Variants in SPIRE1 observed in about 807,000 individuals in gnomAD.
SPIRE1 encodes the protein protein spire homolog 1.
In SPIRE1, 40 loss-of-function variants were observed where a neutral mutation model predicts 94.1. The observed-to-expected ratio is 0.43, with a 90% confidence interval of 0.33 to 0.55. SPIRE1 has a LOEUF of 0.55. Among genes scored for constraint, SPIRE1 ranks in the 20% least tolerant of loss-of-function variants. The pLI is 0.06. For synonymous variants in SPIRE1, 376 were observed against 371.7 expected, an observed-to-expected ratio of 1.01 and a Z score of -0.13; for missense variants, 838 against 975.2, an observed-to-expected ratio of 0.86 and a Z score of 1.87.
chr18:12,638,205 G>A (rs948264117), intron 1 of SPIRE1, among the ~76,000 whole-genome samples: 1 of 152,196 alleles, frequency 6.6e-6, no homozygotes, highest in African/African-American at 2.4e-5. Context: ...AGCACTTTGG[G>A]AGGCTGAGGT....
At chr18:12,548,944 G>T (rs959501919) in intron 2 of SPIRE1, among the ~76,000 whole-genome samples, 4 of 152,138 alleles carry the variant, frequency 2.6e-5, no homozygotes, top group African/African-American at 4.8e-5. Context: ...TTAAACAATG[G>T]ATCTTCTAAG....
Position 12,657,878 on chromosome 18 carries a change from G to A in SPIRE1, c.-12C>T. 4 of 1,053,954 alleles carry A rather than the reference G, an allele frequency of 3.8e-6. No homozygotes were observed. The highest frequency in any genetic ancestry group is 4.6e-6 in the Non-Finnish European group (4 of 877,668). 65.3% of individuals were successfully genotyped at this position (1,053,954 alleles called of 1,614,324 possible). A position where few individuals can be genotyped will look rare whatever the true frequency, so the allele number is the denominator to read the frequency against. On this transcript the variant is annotated 5_prime_UTR_variant, in exon 1 of 17. Transcript: ENST00000409402. ...GCCGCCTGAGCCATCCCGCGGGTGG[G>A]CGCTGCGCTCGGCAGTCGCGCCGTG... is the stretch of plus-strand genomic sequence containing the variant.
intron 12 of SPIRE1, among the ~76,000 whole-genome samples, chr18:12,457,517 G>A (rs906370035): frequency 1.3e-5 from 2 of 152,162 alleles, no homozygotes; most frequent in Non-Finnish European, 2.9e-5. Flanking sequence ...GCCCGTTTGA[G>A]TGGCCAGATG....
At chr18:12,464,133 T>C (rs1339891690) in intron 11 of SPIRE1, among the ~76,000 whole-genome samples, 1 of 152,196 alleles carries the variant, frequency 6.6e-6, no homozygotes, top group African/African-American at 2.4e-5. Context: ...AAGTTACATA[T>C]GATCCATCTA....
intron 4 of SPIRE1, among the ~76,000 whole-genome samples, chr18:12,514,722 A>G (rs1016122227): frequency 6.6e-6 from 1 of 152,206 alleles, no homozygotes; most frequent in Non-Finnish European, 1.5e-5. Flanking sequence ...GCGGTATCTT[A>G]TCTGCCACAC....
chr18:12,461,426 G>GTGTGTA (rs2031797785), intron 12 of SPIRE1, among the ~76,000 whole-genome samples: 1 of 71,206 alleles, frequency 1.4e-5, no homozygotes, highest in African/African-American at 5.1e-5. Context: ...GTGTGTGTGT[G>GTGTGTA]TGTATGTATG....
chr18:12,468,997 G>A (rs1349544477), intron 10 of SPIRE1, among the ~76,000 whole-genome samples: 3 of 152,106 alleles, frequency 2.0e-5, no homozygotes, highest in Non-Finnish European at 4.4e-5. Context: ...CCAAGAGGTC[G>A]AGGCTGCAAT....
At chr18:12,519,050 C>T (rs780413886) in intron 4 of SPIRE1, among the ~76,000 whole-genome samples, 5 of 152,114 alleles carry the variant, frequency 3.3e-5, no homozygotes, top group African/African-American at 4.8e-5. Flanking sequence ...CTTTATGGTG[C>T]ATTCTTAAAG....
intron 12 of SPIRE1, chr18:12,459,673 C>T (rs1462165321): frequency 2.4e-6 from 2 of 850,852 alleles, no homozygotes; most frequent in African/African-American, 3.7e-5. Flanking sequence ...GCGGTTAATT[C>T]TCAGAGAACG....
At chr18:12,647,434 A>G (rs2144876277) in intron 1 of SPIRE1, among the ~76,000 whole-genome samples, 1 of 152,276 alleles carries the variant, frequency 6.6e-6, no homozygotes, top group South Asian at 2.1e-4. Context: ...ATCAAAAATA[A>G]ACTCTTTAAC....
chr18:12,659,700 A>G (rs1483967543), upstream of SPIRE1, among the ~76,000 whole-genome samples: 2 of 152,104 alleles, frequency 1.3e-5, no homozygotes, highest in Non-Finnish European at 2.9e-5. Context: ...GAAAGAGGAG[A>G]AGAAAGCTCC....
At chr18:12,453,714 G>T (rs993357413) in intron 13 of SPIRE1, among the ~76,000 whole-genome samples, 1 of 151,826 alleles carries the variant, frequency 6.6e-6, no homozygotes, top group East Asian at 1.9e-4. Context: ...GATTACAGGC[G>T]TGAGCCACTG....
intron 2 of SPIRE1, among the ~76,000 whole-genome samples, chr18:12,553,480 G>A (rs1489498914): frequency 6.6e-6 from 1 of 152,184 alleles, no homozygotes; most frequent in Non-Finnish European, 1.5e-5. Flanking sequence ...CATGGGGTGA[G>A]GCTCCTCTGC....
chr18:12,479,170 C>T (rs1459615437), intron 10 of SPIRE1, among the ~76,000 whole-genome samples: 28 of 132,154 alleles, frequency 2.1e-4, no homozygotes, highest in Non-Finnish European at 2.1e-4. Flanking sequence ...TTTTTTTTTT[C>T]TTTTTCTTTT....
intron 1 of SPIRE1, among the ~76,000 whole-genome samples, chr18:12,652,068 G>A (rs148154900): frequency 4.6e-5 from 7 of 152,302 alleles, no homozygotes; most frequent in African/African-American, 1.2e-4. Context: ...TGTCAGACGG[G>A]TATTTAAGTC....
At chr18:12,484,787 G>A (rs2032973840) in intron 9 of SPIRE1, among the ~76,000 whole-genome samples, 1 of 152,172 alleles carries the variant, frequency 6.6e-6, no homozygotes, top group Non-Finnish European at 1.5e-5. Flanking sequence ...GCTGGGTGAG[G>A]TGGCTTACGC....
At chr18:12,545,751 T>C (rs1302061114) in intron 3 of SPIRE1, among the ~76,000 whole-genome samples, 2 of 152,170 alleles carry the variant, frequency 1.3e-5, no homozygotes, top group Non-Finnish European at 2.9e-5. Flanking sequence ...GCTGTGACAC[T>C]TGAGATGCAA....
chr18:12,599,766 A>C (rs34229934), intron 2 of SPIRE1, among the ~76,000 whole-genome samples: 11,171 of 152,114 alleles, frequency 0.073, 571 homozygotes, highest in Non-Finnish European at 0.11. Flanking sequence ...GTTTGTCCTA[A>C]TACTGGTGAT....
chr18:12,602,266 G>T (rs1186444868), intron 2 of SPIRE1, among the ~76,000 whole-genome samples: 1 of 152,092 alleles, frequency 6.6e-6, no homozygotes, highest in Non-Finnish European at 1.5e-5. Context: ...GTAAAAAACA[G>T]ATCAGTTGTA....
Sources: gnomAD v4.1 joint callset for allele counts (sites outside exome capture counted in the v4.1 genomes callset) on GRCh38, gnomAD v4.1.1 for gene constraint, MANE v1.5 for transcripts, NCBI Gene and HGNC (gene_info 2026-07-23, HGNC 2026-07-21) for gene names.